The following NXPE2 variants were observed in gnomAD, a reference collection of about 807,000 sequenced individuals.
The protein encoded by NXPE2 is neurexophilin and PC-esterase domain family member 2.
Under a neutral mutation model 34.4 loss-of-function variants are expected in NXPE2, and 34 were observed. The observed-to-expected ratio is 0.99, with a 90% CI of 0.75 to 1.31. The LOEUF (loss-of-function observed/expected upper bound fraction) is 1.31. Among genes scored for constraint, NXPE2 ranks in the 40% most tolerant of loss-of-function variants. The probability of loss-of-function intolerance (pLI) is 0.00; values close to 1 mark genes in which losing one functional copy is unlikely to be tolerated. For synonymous variants in NXPE2, 235 were observed against 231.3 expected (o/e 1.02, Z -0.15); for missense variants, 649 against 672.5 (o/e 0.97, Z 0.39).
chr11:114,556,480 T>C, the NXPE2 span, among the ~76,000 whole-genome samples: 1 of 151,982 alleles, frequency 6.6e-6, no homozygotes, highest in South Asian at 2.1e-4. Flanking sequence ...TCAATTGCCT[T>C]GAACTCCATC....
chr11:114,469,681 C>T, the NXPE2 span, among the ~76,000 whole-genome samples: 18 of 151,588 alleles, frequency 1.2e-4, no homozygotes, highest in South Asian at 6.3e-4. Context: ...TTAGTAGAGA[C>T]GGGATTTCAC....
At chr11:114,660,552 A>G in the NXPE2 span, among the ~76,000 whole-genome samples, 2 of 152,110 alleles carry the variant, frequency 1.3e-5, no homozygotes, top group Non-Finnish European at 2.9e-5. Flanking sequence ...ATTATTTAAC[A>G]TAATTCAGCA....
the NXPE2 span, among the ~76,000 whole-genome samples, chr11:114,765,004 T>C: frequency 1.3e-5 from 2 of 152,206 alleles, no homozygotes; most frequent in Admixed American, 6.5e-5. Flanking sequence ...CTGCTCCTTC[T>C]GGGATTTTTC....
the NXPE2 span, among the ~76,000 whole-genome samples, chr11:114,545,691 C>CT: frequency 0.016 from 2,182 of 138,782 alleles, 25 homozygotes; most frequent in South Asian, 0.044. Context: ...AAGAGTGGAT[C>CT]TTTTTTTTTT....
At chr11:114,724,476 A>G in the NXPE2 span, among the ~76,000 whole-genome samples, 13 of 152,124 alleles carry the variant, frequency 8.5e-5, no homozygotes, top group African/African-American at 2.4e-4. Context: ...TTAAAATAAC[A>G]TTGTCAGCCT....
At chr11:114,808,299 C>G in the NXPE2 span, among the ~76,000 whole-genome samples, 1 of 151,630 alleles carries the variant, frequency 6.6e-6, no homozygotes, top group Non-Finnish European at 1.5e-5. Flanking sequence ...AAAGCAAGAG[C>G]AAACACATTC....
chr11:114,615,230 G>C, the NXPE2 span, among the ~76,000 whole-genome samples: 1 of 151,904 alleles, frequency 6.6e-6, no homozygotes, highest in Non-Finnish European at 1.5e-5. Flanking sequence ...ATCGCCTCTT[G>C]GGTAACCACT....
At chr11:114,676,486 G>A (rs1375047103), upstream of NXPE2, among the ~76,000 whole-genome samples, 1 of 151,908 alleles carries the variant, frequency 6.6e-6, no homozygotes, top group Non-Finnish European at 1.5e-5. Context: ...ACATTCTAAT[G>A]GCCAAGAGGT....
chr11:114,535,786 T>A, the NXPE2 span, among the ~76,000 whole-genome samples: 55,068 of 151,934 alleles, frequency 0.36, 10,223 homozygotes, highest in East Asian at 0.66. Context: ...ATAAAGCAAG[T>A]CCTTAGTGAC....
chr11:114,714,889 G>A, the NXPE2 span, among the ~76,000 whole-genome samples: 1 of 152,158 alleles, frequency 6.6e-6, no homozygotes, highest in Non-Finnish European at 1.5e-5. Flanking sequence ...GGGCGTGGTG[G>A]CACACGCCTG....
the NXPE2 span, among the ~76,000 whole-genome samples, chr11:114,602,560 A>T: frequency 7.2e-6 from 1 of 139,442 alleles, no homozygotes; most frequent in Non-Finnish European, 1.5e-5. Context: ...TATAGATTAT[A>T]TCATTTATAA....
At chr11:114,487,000 A>G in the NXPE2 span, among the ~76,000 whole-genome samples, 1 of 151,872 alleles carries the variant, frequency 6.6e-6, no homozygotes, top group African/African-American at 2.4e-5. Flanking sequence ...GGTATTATGT[A>G]CATTTTAGGA....
At chr11:114,506,910 CA>C in the NXPE2 span, among the ~76,000 whole-genome samples, 2 of 151,750 alleles carry the variant, frequency 1.3e-5, no homozygotes, top group Middle Eastern at 3.4e-3. Context: ...GATTGAGACA[CA>C]AAAAAACCCT....
chr11:114,573,801 A>G, the NXPE2 span, among the ~76,000 whole-genome samples: 1 of 152,140 alleles, frequency 6.6e-6, no homozygotes, highest in Admixed American at 6.6e-5. Flanking sequence ...TAGACTGGTC[A>G]TCAAGACAGA....
At chr11:114,536,700 T>G in the NXPE2 span, among the ~76,000 whole-genome samples, 1 of 152,224 alleles carries the variant, frequency 6.6e-6, no homozygotes, top group African/African-American at 2.4e-5. Flanking sequence ...GATAAATTCC[T>G]TGACACATAC....
At chr11:114,517,947 T>C in the NXPE2 span, 1 of 152,294 alleles carries the variant, frequency 6.6e-6, no homozygotes, top group Non-Finnish European at 1.5e-5. Context: ...GCACATGCCA[T>C]GGATTACAAA....
At chr11:114,785,334 G>A in the NXPE2 span, among the ~76,000 whole-genome samples, 3 of 152,074 alleles carry the variant, frequency 2.0e-5, no homozygotes, top group African/African-American at 7.2e-5. Context: ...GTAAAACTGG[G>A]AATGAGACCC....
the NXPE2 span, among the ~76,000 whole-genome samples, chr11:114,646,717 T>C: frequency 0.071 from 10,816 of 152,248 alleles, 426 homozygotes; most frequent in Non-Finnish European, 0.094. Flanking sequence ...CCTGCCAAGA[T>C]AGTTTCTCTT....
the NXPE2 span, among the ~76,000 whole-genome samples, chr11:114,531,909 C>T: frequency 6.6e-6 from 1 of 152,150 alleles, no homozygotes; most frequent in Non-Finnish European, 1.5e-5. Context: ...GTCAGAAACA[C>T]CGGCCAAGCT....
Sources: allele counts gnomAD v4.1 joint callset (sites outside exome capture counted in the v4.1 genomes callset), GRCh38; gene constraint gnomAD v4.1.1; transcripts MANE v1.5; gene names NCBI Gene and HGNC (gene_info 2026-07-23, HGNC 2026-07-21).